The following RAB23 variants were observed in gnomAD, a reference collection of about 807,000 sequenced individuals.
The protein encoded by RAB23 is RAB23, member RAS oncogene family.
A neutral mutation model predicts 30.0 loss-of-function variants in RAB23; 15 were observed. That is an observed-to-expected ratio of 0.50 (90% CI 0.33 to 0.77). The LOEUF (loss-of-function observed/expected upper bound fraction) is 0.77, where lower values mean the gene tolerates loss of function less well. Ranked by LOEUF, RAB23 falls within the 30% of genes least tolerant of loss-of-function variation. RAB23 has a pLI of 0.02. For missense variants in RAB23, 243 were observed against 275.4 expected (o/e 0.88, Z 0.83); for synonymous variants, 93 against 94.0 (o/e 0.99, Z 0.06).
chr6:57,210,029 T>C (rs1455691943), intron 2 of RAB23, among the ~76,000 whole-genome samples, 197 bp downstream of exon 2: 1 of 143,314 alleles, frequency 7.0e-6, no homozygotes, highest in African/African-American at 2.6e-5. Context: ...GAAAAAAAAA[T>C]GAAAGAAGGG....
rs1308930173 is a variant in RAB23 at position 57,190,280 on chromosome 6, T to C, written c.*181A>G. 4.5e-6 allele frequency: 3 copies of C among 672,384 alleles called. No individual in the cohort carries two copies. Among genetic ancestry groups the C allele is most frequent in the African/African-American group, 1.8e-5 (1 of 55,048 alleles). 41.7% of individuals were successfully genotyped at this position (672,384 alleles called of 1,614,324 possible). ...TAAAGGAGTCCACAGGGCAATAATTTTTCCACCAGAGGTCTCACTCTACAT... is the reference window on the plus strand; with the variant it reads ...TAAAGGAGTCCACAGGGCAATAATTCTTCCACCAGAGGTCTCACTCTACAT... On this transcript the variant is annotated 3_prime_UTR_variant, in exon 7 of 7. Transcript: ENST00000468148.
chr6:57,216,253 T>G (rs1422903400), intron 1 of RAB23, among the ~76,000 whole-genome samples: 1 of 152,186 alleles, frequency 6.6e-6, no homozygotes, highest in Non-Finnish European at 1.5e-5. Flanking sequence ...GTTCACACAA[T>G]GACAAAACCA....
intron 3 of RAB23, among the ~76,000 whole-genome samples, chr6:57,206,352 A>T (rs570704794): frequency 6.6e-6 from 1 of 152,338 alleles, no homozygotes; most frequent in South Asian, 2.1e-4. Context: ...TTAGCAAGCC[A>T]CAAGCCACCA....
At chr6:57,212,355 T>G (rs1379333592) in intron 1 of RAB23, among the ~76,000 whole-genome samples, 1 of 152,082 alleles carries the variant, frequency 6.6e-6, no homozygotes, top group Admixed American at 6.5e-5. Context: ...CCACCCCATC[T>G]TTCTTTATCC....
At position 57,190,540 on chromosome 6, in the gene RAB23, C is replaced by G. The variant is rs1226836566; in HGVS notation, c.635G>C (p.Gly212Ala). ...SGQNSGTLNG[G>A]DVINLRPNKQ... ...GTTGGGTCTAAGATTGATGACATCT[C>G]CACCATTGAGGGTACCTGAATTCTG... Residue 212 changes from glycine (G) to alanine (A), a missense_variant, in exon 7 of 7, where the codon GGA becomes GCA. Coordinates refer to ENST00000468148, the MANE Select transcript of RAB23 (RefSeq NM_016277.5). The G allele has an allele frequency of 6.2e-7, 1 of 1,613,774 alleles. No homozygotes were observed.
At chr6:57,208,113 G>T (rs1448866793) in intron 2 of RAB23, among the ~76,000 whole-genome samples, 1 of 152,146 alleles carries the variant, frequency 6.6e-6, no homozygotes, top group Non-Finnish European at 1.5e-5. Context: ...AGTACTTTCG[G>T]ATGTTGATAT....
chr6:57,190,964 G>C (rs1764817646), intron 6 of RAB23, among the ~76,000 whole-genome samples: 1 of 152,008 alleles, frequency 6.6e-6, no homozygotes, highest in Admixed American at 6.6e-5. Flanking sequence ...TATATAAATG[G>C]AATAATAGTG....
chr6:57,209,852 A>C (rs1203210845), intron 2 of RAB23, among the ~76,000 whole-genome samples: 2 of 152,200 alleles, frequency 1.3e-5, no homozygotes, highest in Non-Finnish European at 2.9e-5. Context: ...AAAAGAGAAC[A>C]GACATTCTAA....
chr6:57,221,200 A>G (rs1319266758), intron 1 of RAB23: 1 of 152,160 alleles, frequency 6.6e-6, no homozygotes, highest in Non-Finnish European at 1.5e-5. Context: ...ATACTGAAAA[A>G]CTTCTTAGGG....
intron 1 of RAB23, among the ~76,000 whole-genome samples, chr6:57,214,014 A>AC (rs1384806411): frequency 2.6e-5 from 4 of 151,664 alleles, no homozygotes; most frequent in Non-Finnish European, 4.4e-5. Context: ...AAATGAAGGC[A>AC]CCCCCCACCC....
At chr6:57,213,137 G>C (rs1249465887) in intron 1 of RAB23, among the ~76,000 whole-genome samples, 2 of 152,132 alleles carry the variant, frequency 1.3e-5, no homozygotes, top group African/African-American at 2.4e-5. Context: ...CTGCAACCTA[G>C]ATCCCTCACA....
chr6:57,211,251 G>C (rs1358242402), intron 1 of RAB23, among the ~76,000 whole-genome samples: 1 of 152,014 alleles, frequency 6.6e-6, no homozygotes, highest in South Asian at 2.1e-4. Context: ...AGGAGTTTGA[G>C]ACTAGCCTGG....
At chr6:57,221,505 G>C (rs1766058977) in intron 1 of RAB23, 1 of 152,720 alleles carries the variant, frequency 6.5e-6, no homozygotes, top group Non-Finnish European at 1.5e-5. Context: ...CGCACTGCAG[G>C]GAGGAGTCTA....
chr6:57,210,877 G>A (rs1466827991), intron 1 of RAB23, among the ~76,000 whole-genome samples: 3 of 152,210 alleles, frequency 2.0e-5, no homozygotes, highest in East Asian at 1.9e-4. Context: ...TGAAAGTTAT[G>A]CATTCAGAAT....
chr6:57,198,923 T>C (rs1230250311), intron 3 of RAB23, among the ~76,000 whole-genome samples: 2 of 152,130 alleles, frequency 1.3e-5, no homozygotes, highest in African/African-American at 4.8e-5. Flanking sequence ...CAACATTATT[T>C]AAAAAATCAA....
In RAB23 at chr6:57,190,522, C is replaced by G. The variant is rs745568867; in HGVS notation, c.653G>C (p.Arg218Thr). Residue 218 changes from arginine (R) to threonine (T), a missense_variant, in exon 7 of 7, where the codon AGA becomes ACA. Arg to Thr is a moderately conservative substitution (Grantham distance 71, BLOSUM62 -1). Coordinates refer to ENST00000468148, the MANE Select transcript of RAB23 (RefSeq NM_016277.5). ...TLNGGDVINL[R>T]PNKQRTKKNR... ...TTTCTTGGTCCTTTGTTTGTTGGGT[C>G]TAAGATTGATGACATCTCCACCATT... The G allele has an allele frequency of 1.9e-6, 3 of 1,614,054 alleles. No individual in the cohort carries two copies. In the South Asian group the frequency reaches 3.3e-5, roughly 18 times the overall value.
chr6:57,194,878 C>A, intron 4 of RAB23, 26 bp from the exon 5 acceptor site: 1 of 1,579,898 alleles, frequency 6.3e-7, no homozygotes. Context: ...AAAAAAAATG[C>A]TTTACAAAGG....
chr6:57,216,837 G>A (rs897719576), intron 1 of RAB23, among the ~76,000 whole-genome samples: 2 of 152,000 alleles, frequency 1.3e-5, no homozygotes, highest in African/African-American at 2.4e-5. Context: ...ACGTTGCCGC[G>A]GCATTTATAA....
intron 3 of RAB23, among the ~76,000 whole-genome samples, chr6:57,206,798 G>A (rs533600702): frequency 2.6e-5 from 4 of 152,162 alleles, no homozygotes; most frequent in Admixed American, 1.3e-4. Context: ...ATTACAACAC[G>A]GTGAAAAGTT....
Sources: allele counts gnomAD v4.1 joint callset (sites outside exome capture counted in the v4.1 genomes callset), GRCh38; gene constraint gnomAD v4.1.1; transcripts MANE v1.5; gene names NCBI Gene and HGNC (gene_info 2026-07-23, HGNC 2026-07-21).